The following CPEB3 variants were observed in gnomAD, a reference collection of about 807,000 sequenced individuals.
CPEB3 encodes cytoplasmic polyadenylation element binding protein 3, also known as cytoplasmic polyadenylation element-binding protein 3.
Under a neutral mutation model 67.2 loss-of-function variants are expected in CPEB3, and 20 were observed. That is an observed-to-expected ratio of 0.30 (90% CI 0.21 to 0.43). The LOEUF is 0.43. CPEB3 is among the 20% of genes least tolerant of loss of function. CPEB3 has a pLI of 1.00. For missense variants in CPEB3, 746 were observed against 968.6 expected (o/e 0.77, Z 3.05); for synonymous variants, 376 against 393.1 (o/e 0.96, Z 0.51).
chr10:92,179,521 A>G lies in CPEB3; in HGVS notation c.1222+1442T>C, dbSNP rs554749534. 3.9e-5 allele frequency among the ~76,000 whole-genome samples: 6 copies of G among 152,334 alleles called. No individual in the cohort carries two copies. In the East Asian group the frequency reaches 9.6e-4, roughly 24 times the overall value. ...TCTAACTGAAGTCTTTTCACAATTA[A>G]TTATTGCTCAAGTTCAGCAAGTTAA... On this transcript the variant is annotated intron_variant, in intron 4 of 9. Coordinates refer to ENST00000265997, the MANE Select transcript of CPEB3 (RefSeq NM_014912.5).
chr10:92,289,535 C>T (rs1842700560), intron 1 of CPEB3, among the ~76,000 whole-genome samples: 1 of 151,184 alleles, frequency 6.6e-6, no homozygotes, highest in South Asian at 2.1e-4. Flanking sequence ...GAGCAAGACT[C>T]CATCTCTCAA....
At chr10:92,091,435 C>T (rs927143940) in intron 8 of CPEB3, among the ~76,000 whole-genome samples, 4 of 150,126 alleles carry the variant, frequency 2.7e-5, no homozygotes, top group Non-Finnish European at 4.4e-5. Context: ...TCCAGCAGCA[C>T]AATTATTTCA....
intron 6 of CPEB3, among the ~76,000 whole-genome samples, chr10:92,138,545 T>C (rs778655133): frequency 5.4e-4 from 79 of 146,504 alleles, no homozygotes; most frequent in Middle Eastern, 3.3e-3. Flanking sequence ...AAGATCTGAA[T>C]AGGCATTTCT....
intron 4 of CPEB3, among the ~76,000 whole-genome samples, chr10:92,152,861 G>C (rs1282115869): frequency 6.6e-6 from 1 of 152,122 alleles, no homozygotes; most frequent in East Asian, 1.9e-4. Context: ...AGTGACCACT[G>C]AACAGTGTCA....
intron 6 of CPEB3, among the ~76,000 whole-genome samples, chr10:92,142,551 C>T (rs1846486788): frequency 2.6e-5 from 4 of 152,186 alleles, no homozygotes; most frequent in African/African-American, 9.7e-5. Context: ...TTGCCCTCTG[C>T]TCCCAAACAG....
In CPEB3 at chr10:92,052,180, C is replaced by T. The variant is rs545732261; in HGVS notation, c.*32G>A. ...CTCTCTTTTCCCTCCTTGTTATCTA[C>T]TCCAGTACTTGTGGCTGGGTCGGCC... On this transcript the variant is annotated 3_prime_UTR_variant, in exon 10 of 10. Transcript: ENST00000265997. 32 of 1,496,784 alleles carry T rather than the reference C, an allele frequency of 2.1e-5. No individual in the cohort carries two copies. The highest frequency in any genetic ancestry group is 2.9e-5 in the Non-Finnish European group (31 of 1,075,258). The allele number at this position is 1,496,784 out of a possible 1,614,324, so 92.7% of individuals were successfully genotyped here. A position where few individuals can be genotyped will look rare whatever the true frequency, so the allele number is the denominator to read the frequency against.
intron 4 of CPEB3, among the ~76,000 whole-genome samples, chr10:92,151,997 A>G (rs1846989916): frequency 1.3e-5 from 2 of 152,228 alleles, no homozygotes; most frequent in Admixed American, 1.3e-4. Context: ...TTTTAAAAAC[A>G]TAAATCCAAT....
intron 1 of CPEB3, among the ~76,000 whole-genome samples, chr10:92,275,193 CTT>C (rs1564926175): frequency 2.0e-5 from 3 of 152,198 alleles, no homozygotes; most frequent in African/African-American, 7.2e-5. Context: ...CTACATAACT[CTT>C]TGTTGTGAGT....
chr10:92,069,951 A>G (rs1842693200), intron 9 of CPEB3, among the ~76,000 whole-genome samples: 1 of 152,204 alleles, frequency 6.6e-6, no homozygotes, highest in Non-Finnish European at 1.5e-5. Flanking sequence ...CCCCACTACT[A>G]CATGGACATG....
chr10:92,225,780 G>C (rs1398566029), intron 2 of CPEB3, among the ~76,000 whole-genome samples: 1 of 152,128 alleles, frequency 6.6e-6, no homozygotes, highest in East Asian at 1.9e-4. Flanking sequence ...AAAACATTAA[G>C]AGTATTTGAA....
chr10:92,266,281 C>A (rs1473952788), intron 1 of CPEB3, among the ~76,000 whole-genome samples: 1 of 152,136 alleles, frequency 6.6e-6, no homozygotes, highest in Non-Finnish European at 1.5e-5. Flanking sequence ...CCACTCTAAA[C>A]AACCCCAGCC....
intron 6 of CPEB3, among the ~76,000 whole-genome samples, chr10:92,134,152 A>G (rs1382725280): frequency 1.3e-5 from 2 of 152,156 alleles, no homozygotes; most frequent in East Asian, 1.9e-4. Flanking sequence ...ACATAGTGTT[A>G]GAAGTTCTGG....
intron 2 of CPEB3, among the ~76,000 whole-genome samples, chr10:92,209,692 GCA>G (rs1849976230): frequency 3.9e-5 from 6 of 152,034 alleles, no homozygotes; most frequent in South Asian, 4.2e-4. Flanking sequence ...TGTAATCCCA[GCA>G]CTTTGGGAGG....
At chr10:92,102,855 A>C (rs529454186) in intron 7 of CPEB3, among the ~76,000 whole-genome samples, 1 of 152,230 alleles carries the variant, frequency 6.6e-6, no homozygotes, top group Admixed American at 6.5e-5. Flanking sequence ...TTTAACTTTC[A>C]GGTTTTCAGA....
At chr10:92,200,208 T>C (rs914705692) in intron 2 of CPEB3, among the ~76,000 whole-genome samples, 1 of 152,162 alleles carries the variant, frequency 6.6e-6, no homozygotes, top group Non-Finnish European at 1.5e-5. Flanking sequence ...CAGTCTTCCA[T>C]GCAATAAATT....
chr10:92,254,576 C>T (rs1386427209), intron 1 of CPEB3, among the ~76,000 whole-genome samples: 1 of 152,108 alleles, frequency 6.6e-6, no homozygotes, highest in Non-Finnish European at 1.5e-5. Flanking sequence ...TCATTCATTC[C>T]ATAATTTTAT....
At chr10:92,172,341 T>C (rs1564836598) in intron 4 of CPEB3, among the ~76,000 whole-genome samples, 3 of 152,038 alleles carry the variant, frequency 2.0e-5, no homozygotes, top group East Asian at 1.9e-4. Flanking sequence ...CAAGAGTGTA[T>C]GTGTGTGGAG....
At chr10:92,145,158 AC>A in intron 4 of CPEB3, 73 bp from the exon 5 acceptor site, 1 of 1,555,762 alleles carries the variant, frequency 6.4e-7, no homozygotes, top group Admixed American at 1.7e-5. Flanking sequence ...ATTTTCTAGG[AC>A]AATAAATGCT....
intron 2 of CPEB3, among the ~76,000 whole-genome samples, chr10:92,226,605 C>T (rs961943370): frequency 6.6e-6 from 1 of 152,202 alleles, no homozygotes; most frequent in African/African-American, 2.4e-5. Flanking sequence ...TGAAAAGGTC[C>T]TTGCCCTTGT....
Sources: allele counts gnomAD v4.1 joint callset (sites outside exome capture counted in the v4.1 genomes callset), GRCh38; gene constraint gnomAD v4.1.1; transcripts MANE v1.5; gene names NCBI Gene and HGNC (gene_info 2026-07-23, HGNC 2026-07-21).